The following SLC44A5 variants were observed in gnomAD, a reference collection of about 807,000 sequenced individuals.
SLC44A5 encodes solute carrier family 44 member 5.
A neutral mutation model predicts 101.8 loss-of-function variants in SLC44A5; 57 were observed. The ratio of observed to expected loss-of-function variants is 0.56; its 90% confidence interval spans 0.45 to 0.70. SLC44A5 has a LOEUF of 0.70. Ranked by LOEUF, SLC44A5 falls within the 30% of genes least tolerant of loss-of-function variation. SLC44A5 has a pLI of 0.00. For missense variants in SLC44A5, 737 were observed against 853.1 expected, an observed-to-expected ratio of 0.86 and a Z score of 1.70; for synonymous variants, 281 against 290.9, an observed-to-expected ratio of 0.97 and a Z score of 0.35.
chr1:75,702,656 A>G, the SLC44A5 span, among the ~76,000 whole-genome samples: 4 of 152,208 alleles, frequency 2.6e-5, no homozygotes, highest in African/African-American at 9.7e-5. Context: ...AAAATTGACA[A>G]ATGGGATCTA....
chr1:75,699,166 C>G, the SLC44A5 span, among the ~76,000 whole-genome samples: 225 of 152,162 alleles, frequency 1.5e-3, 2 homozygotes, highest in African/African-American at 5.3e-3. Context: ...CACAAAGATA[C>G]TCCTCGAGAA....
At chr1:75,249,271 C>CG (rs1557576273) in intron 7 of SLC44A5, among the ~76,000 whole-genome samples, 1 of 151,894 alleles carries the variant, frequency 6.6e-6, no homozygotes, top group African/African-American at 2.4e-5. Flanking sequence ...GTATAGTTAC[C>CG]GGCACATGGA....
chr1:75,335,782 T>C (rs188333619), intron 4 of SLC44A5, among the ~76,000 whole-genome samples: 17 of 152,338 alleles, frequency 1.1e-4, no homozygotes, highest in African/African-American at 4.1e-4. Context: ...CAGTGCTATT[T>C]TCCAAATTCC....
intron 9 of SLC44A5, among the ~76,000 whole-genome samples, chr1:75,239,769 G>A (rs1034613311): frequency 6.6e-6 from 1 of 152,022 alleles, no homozygotes; most frequent in Non-Finnish European, 1.5e-5. Flanking sequence ...AAAACCTCCA[G>A]ATATGTTTTA....
chr1:75,397,319 C>T lies in SLC44A5; in HGVS notation c.14-698G>A, dbSNP rs1004186184. Among the ~76,000 whole-genome samples, 3 of 152,036 alleles carry T rather than the reference C, an allele frequency of 2.0e-5. No homozygotes were observed. The South Asian group carries it at 6.2e-4, about 32-fold the overall frequency. On this transcript the variant is annotated intron_variant, in intron 2 of 23. Coordinates refer to ENST00000370859, the MANE Select transcript of SLC44A5 (RefSeq NM_001130058.2). ...AAACACTAATGCTTTCTATGAACAC[C>T]CCATTCTCTGGTGCTTTATCAGACT...
At chr1:75,567,304 A>G (rs1332350893) in intron 1 of SLC44A5, among the ~76,000 whole-genome samples, 2 of 152,214 alleles carry the variant, frequency 1.3e-5, no homozygotes, top group Non-Finnish European at 2.9e-5. Flanking sequence ...CACCCAGAAG[A>G]TAGACGTCCT....
chr1:75,372,322 T>G (rs1660283767), intron 3 of SLC44A5, among the ~76,000 whole-genome samples: 2 of 152,156 alleles, frequency 1.3e-5, no homozygotes. Context: ...AATTTACACT[T>G]ACTTTTCCCC....
chr1:75,335,740 AT>A (rs1327691976), intron 4 of SLC44A5, among the ~76,000 whole-genome samples: 4 of 152,216 alleles, frequency 2.6e-5, no homozygotes, highest in Admixed American at 2.6e-4. Flanking sequence ...TGCTTTAATT[AT>A]GTGTTAATTT....
chr1:75,714,885 G>A, the SLC44A5 span, among the ~76,000 whole-genome samples: 1 of 152,098 alleles, frequency 6.6e-6, no homozygotes. Context: ...TGCTGGCCAG[G>A]CTGGTCTCAA....
At chr1:75,668,486 G>C in the SLC44A5 span, among the ~76,000 whole-genome samples, 1 of 150,426 alleles carries the variant, frequency 6.6e-6, no homozygotes, top group Non-Finnish European at 1.5e-5. Context: ...CACCATGCCC[G>C]GTTAATTTTT....
At chr1:75,607,439 A>C (rs565419145) in intron 1 of SLC44A5, among the ~76,000 whole-genome samples, 1 of 151,974 alleles carries the variant, frequency 6.6e-6, no homozygotes, top group African/African-American at 2.4e-5. Context: ...TTATTTTAAA[A>C]TATTAATTGA....
At chr1:75,403,781 T>C (rs1662666057) in intron 2 of SLC44A5, among the ~76,000 whole-genome samples, 1 of 152,000 alleles carries the variant, frequency 6.6e-6, no homozygotes, top group Non-Finnish European at 1.5e-5. Flanking sequence ...AATACCACAA[T>C]GCCTCTTCTC....
chr1:75,240,416 G>A (rs183872502), intron 9 of SLC44A5, among the ~76,000 whole-genome samples: 12 of 152,160 alleles, frequency 7.9e-5, no homozygotes, highest in Admixed American at 5.2e-4. Context: ...GAGGGACTAC[G>A]CCTTATTCAT....
intron 23 of SLC44A5, among the ~76,000 whole-genome samples, chr1:75,204,173 T>C (rs74620609): frequency 0.092 from 14,047 of 152,190 alleles, 929 homozygotes; most frequent in African/African-American, 0.18. Flanking sequence ...TGCTTAAAAT[T>C]GATTCTGTTT....
At chr1:75,386,323 C>A (rs1458978224) in intron 3 of SLC44A5, among the ~76,000 whole-genome samples, 6 of 152,028 alleles carry the variant, frequency 3.9e-5, no homozygotes, top group Non-Finnish European at 8.8e-5. Context: ...TTGTCTCAGC[C>A]GAAAATCTCC....
chr1:75,224,796 A>T (rs1454746548), intron 13 of SLC44A5, among the ~76,000 whole-genome samples: 1 of 151,944 alleles, frequency 6.6e-6, no homozygotes, highest in Non-Finnish European at 1.5e-5. Flanking sequence ...TTAAAAATAG[A>T]AAAAGCTTTT....
At chr1:75,534,294 A>G (rs1478832997) in intron 2 of SLC44A5, among the ~76,000 whole-genome samples, 1 of 152,202 alleles carries the variant, frequency 6.6e-6, no homozygotes, top group African/African-American at 2.4e-5. Context: ...AAAAAAAATA[A>G]AGCCGGGCTC....
intron 2 of SLC44A5, among the ~76,000 whole-genome samples, chr1:75,440,677 G>A (rs756553725): frequency 8.5e-5 from 13 of 152,070 alleles, no homozygotes; most frequent in Non-Finnish European, 1.9e-4. Context: ...AACCAGCTGG[G>A]AAACTATTGC....
At chr1:75,418,638 AGAG>A (rs1663811523) in intron 2 of SLC44A5, among the ~76,000 whole-genome samples, 1 of 152,278 alleles carries the variant, frequency 6.6e-6, no homozygotes, top group Non-Finnish European at 1.5e-5. Flanking sequence ...AATGGAGGAA[AGAG>A]TAGTAAAAGA....
Sources: gnomAD v4.1 joint callset for allele counts (sites outside exome capture counted in the v4.1 genomes callset) on GRCh38, gnomAD v4.1.1 for gene constraint, MANE v1.5 for transcripts, NCBI Gene and HGNC (gene_info 2026-07-23, HGNC 2026-07-21) for gene names.